Variants in OSBPL8 observed in about 807,000 individuals in gnomAD.
OSBPL8 encodes the protein oxysterol-binding protein-related protein 8.
Under a neutral mutation model 125.5 loss-of-function variants are expected in OSBPL8, and 59 were observed. That is an observed-to-expected ratio of 0.47 (90% confidence interval 0.38 to 0.58). The LOEUF is 0.58. Ranked by LOEUF, OSBPL8 falls within the 20% of genes least tolerant of loss-of-function variation. The pLI is 0.00. For synonymous variants in OSBPL8, 330 were observed against 338.9 expected (o/e 0.97, Z 0.29); for missense variants, 758 against 1,047.8 (o/e 0.72, Z 3.82).
intron 4 of OSBPL8, among the ~76,000 whole-genome samples, chr12:76,436,082 G>A (rs1565895492): frequency 1.3e-5 from 2 of 151,340 alleles, no homozygotes; most frequent in African/African-American, 4.9e-5. Context: ...AGAATATTGA[G>A]AGAATATTGC....
At chr12:76,368,689 T>C (rs1210499575) in intron 21 of OSBPL8, among the ~76,000 whole-genome samples, 2 of 152,136 alleles carry the variant, frequency 1.3e-5, no homozygotes, top group Non-Finnish European at 2.9e-5. Flanking sequence ...ATACCTCTAG[T>C]GAATTTTCAT....
intron 2 of OSBPL8, among the ~76,000 whole-genome samples, chr12:76,476,299 T>C (rs1452133450): frequency 6.6e-6 from 1 of 151,914 alleles, no homozygotes; most frequent in Admixed American, 6.6e-5. Context: ...CAAACAAAAA[T>C]AATATTCTAA....
At chr12:76,437,104 G>C (rs1049592368) in intron 4 of OSBPL8, among the ~76,000 whole-genome samples, 3 of 151,990 alleles carry the variant, frequency 2.0e-5, no homozygotes, top group African/African-American at 7.3e-5. Context: ...GTTTTTTCAG[G>C]TGTTTTTCTT....
At chr12:76,472,077 C>G (rs77072130) in intron 2 of OSBPL8, among the ~76,000 whole-genome samples, 2 of 152,110 alleles carry the variant, frequency 1.3e-5, no homozygotes, top group African/African-American at 4.8e-5. Context: ...CCCTAAAACT[C>G]ATAGAAAGAA....
chr12:76,516,437 A>G (rs75962731), intron 1 of OSBPL8, among the ~76,000 whole-genome samples: 5,509 of 152,278 alleles, frequency 0.036, 359 homozygotes, highest in African/African-American at 0.12. Flanking sequence ...TCCTCGTATT[A>G]TAAGTATTCA....
intron 1 of OSBPL8, among the ~76,000 whole-genome samples, chr12:76,555,589 G>A (rs776166580): frequency 6.6e-6 from 1 of 152,188 alleles, no homozygotes; most frequent in Non-Finnish European, 1.5e-5. Flanking sequence ...CATTGAGGTA[G>A]GCACATTCAT....
chr12:76,391,547 GA>G (rs532759131), intron 10 of OSBPL8, among the ~76,000 whole-genome samples: 1 of 151,536 alleles, frequency 6.6e-6, no homozygotes, highest in South Asian at 2.1e-4. Flanking sequence ...AAAAAGAAAA[GA>G]AAAAAAACCT....
Position 76,523,231 on chromosome 12 carries a change from T to C in OSBPL8, c.-67-35613A>G, listed in dbSNP as rs141513233. Reference sequence around the variant, plus strand: ...AAAATTAACCATAAACTTATTTTTATATTTTTTAGAGGAAAACAAAATTTA... The same window carrying C: ...AAAATTAACCATAAACTTATTTTTACATTTTTTAGAGGAAAACAAAATTTA... On this transcript the variant is annotated intron_variant, in intron 1 of 23. Transcript: ENST00000261183. Among the ~76,000 whole-genome samples, 329 of 152,332 alleles carry C rather than the reference T, an allele frequency of 2.2e-3. 2 individuals carry two copies. The highest frequency in any genetic ancestry group is 7.3e-3 in the African/African-American group (304 of 41,554).
chr12:76,395,079 T>C (rs1164038978), intron 8 of OSBPL8, among the ~76,000 whole-genome samples: 1 of 152,080 alleles, frequency 6.6e-6, no homozygotes, highest in East Asian at 1.9e-4. Flanking sequence ...ACTAAATTTC[T>C]AGAAGGCTAA....
At chr12:76,359,473 A>C (rs1327477503) in intron 21 of OSBPL8, among the ~76,000 whole-genome samples, 2 of 152,152 alleles carry the variant, frequency 1.3e-5, no homozygotes, top group Non-Finnish European at 2.9e-5. Context: ...ATAACTTTGG[A>C]CTCTATCCTA....
intron 1 of OSBPL8, among the ~76,000 whole-genome samples, chr12:76,490,728 C>T (rs575922357): frequency 6.6e-6 from 1 of 152,376 alleles, no homozygotes; most frequent in South Asian, 2.1e-4. Context: ...ACACTGGCCC[C>T]TTGCCCTTAT....
chr12:76,394,182 ATTTAAG>A (rs1386577252), intron 9 of OSBPL8, among the ~76,000 whole-genome samples: 1 of 152,200 alleles, frequency 6.6e-6, no homozygotes, highest in Non-Finnish European at 1.5e-5. Flanking sequence ...CCTTGATATC[ATTTAAG>A]TTTTTCTCTC....
At chr12:76,400,758 A>G (rs1475312692) in intron 6 of OSBPL8, among the ~76,000 whole-genome samples, 1 of 150,018 alleles carries the variant, frequency 6.7e-6, no homozygotes, top group Non-Finnish European at 1.5e-5. Context: ...TCTGATCACT[A>G]GTCCAGTTCT....
At chr12:76,454,237 C>A (rs1218358519) in intron 3 of OSBPL8, among the ~76,000 whole-genome samples, 1 of 152,106 alleles carries the variant, frequency 6.6e-6, no homozygotes, top group African/African-American at 2.4e-5. Context: ...ATGTTCATAG[C>A]AACACTGTTC....
intron 2 of OSBPL8, among the ~76,000 whole-genome samples, chr12:76,475,996 C>T (rs779312689): frequency 3.9e-5 from 6 of 152,284 alleles, no homozygotes; most frequent in South Asian, 2.1e-4. Flanking sequence ...CCGTCCACTG[C>T]GCTTTCTCTC....
intron 1 of OSBPL8, among the ~76,000 whole-genome samples, chr12:76,501,715 C>T (rs942319595): frequency 3.9e-5 from 6 of 152,186 alleles, no homozygotes; most frequent in Non-Finnish European, 5.9e-5. Context: ...CTAGAGCCAC[C>T]GCTGAGTGCC....
At chr12:76,485,933 T>G (rs569852802) in intron 2 of OSBPL8, 165 of 322,794 alleles carry the variant, frequency 5.1e-4, no homozygotes, top group African/African-American at 2.0e-3. Context: ...CCATTAGATA[T>G]AAAAAAAGGT....
At chr12:76,466,861 G>C (rs574936219) in intron 2 of OSBPL8, among the ~76,000 whole-genome samples, 120 of 152,138 alleles carry the variant, frequency 7.9e-4, no homozygotes, top group Non-Finnish European at 5.9e-4. Context: ...TTGGGAGGCT[G>C]AGGCAGGAGA....
At chr12:76,372,691 C>A (rs1178069828) in intron 18 of OSBPL8, among the ~76,000 whole-genome samples, 1 of 152,108 alleles carries the variant, frequency 6.6e-6, no homozygotes, top group East Asian at 1.9e-4. Flanking sequence ...TATATCCATG[C>A]AGTACCATGA....
Sources: gnomAD v4.1 joint callset for allele counts (sites outside exome capture counted in the v4.1 genomes callset) on GRCh38, gnomAD v4.1.1 for gene constraint, MANE v1.5 for transcripts, NCBI Gene and HGNC (gene_info 2026-07-23, HGNC 2026-07-21) for gene names.